RNF216: variants seen among roughly 807,000 people sequenced by gnomAD.
RNF216 encodes the protein E3 ubiquitin-protein ligase RNF216.
RNF216 carries 72 observed loss-of-function variants against 110.8 expected under a neutral mutation model. The ratio of observed to expected loss-of-function variants is 0.65; its 90% CI spans 0.54 to 0.79. The LOEUF (loss-of-function observed/expected upper bound fraction) is 0.79. Among genes scored for constraint, RNF216 ranks in the 30% least tolerant of loss-of-function variants. The pLI, the probability that RNF216 is intolerant of heterozygous loss-of-function variation, is 0.00. For missense variants in RNF216, 1,342 were observed against 1,141.2 expected (o/e 1.18, Z -2.54); for synonymous variants, 495 against 407.5 (o/e 1.21, Z -2.59).
chr7:5,742,550 A>AGAT (rs945452351), intron 3 of RNF216, among the ~76,000 whole-genome samples: 8 of 149,480 alleles, frequency 5.4e-5, no homozygotes, highest in Admixed American at 2.7e-4. Context: ...CTTTTAAATT[A>AGAT]GATAATACCA....
At chr7:5,627,019 T>TC (rs762470770) in intron 15 of RNF216, among the ~76,000 whole-genome samples, 114 of 152,258 alleles carry the variant, frequency 7.5e-4, no homozygotes, top group Non-Finnish European at 1.5e-3. Flanking sequence ...CAACCACCAC[T>TC]CTGCCTCACC....
At chr7:5,655,865 G>GT (rs1461491227) in intron 13 of RNF216, among the ~76,000 whole-genome samples, 25 of 150,968 alleles carry the variant, frequency 1.7e-4, no homozygotes, top group Admixed American at 7.9e-4. Flanking sequence ...CTCTTGAATG[G>GT]TTTTTTTTTG....
intron 16 of RNF216, 94 bp from the exon 17 acceptor site, chr7:5,623,273 G>A (rs1206672892): frequency 1.3e-5 from 15 of 1,170,378 alleles, no homozygotes; most frequent in East Asian, 2.4e-5. Flanking sequence ...GGACACGGGA[G>A]TGGCTCCACA....
chr7:5,655,865 G>T (rs1182627856), intron 13 of RNF216, among the ~76,000 whole-genome samples: 6 of 150,974 alleles, frequency 4.0e-5, no homozygotes, highest in Non-Finnish European at 8.9e-5. Flanking sequence ...CTCTTGAATG[G>T]TTTTTTTTTG....
At chr7:5,746,263 G>A (rs1349813975) in intron 3 of RNF216, among the ~76,000 whole-genome samples, 5 of 152,104 alleles carry the variant, frequency 3.3e-5, no homozygotes, top group African/African-American at 4.8e-5. Flanking sequence ...CAGTACCTAG[G>A]GTTAATCTGG....
At position 5,771,310 on chromosome 7, in the gene RNF216, G is replaced by T. The variant is rs528900954; in HGVS notation, c.-69-10172C>A. 2.6e-5 allele frequency among the ~76,000 whole-genome samples: 4 copies of T among 152,088 alleles called. No homozygotes were observed. The East Asian group carries it at 7.7e-4, about 29-fold the overall frequency. ...AGAAAGGTAAAATAAGTTTCTAGAA[G>T]ATAACACAAAATCTCCACAATCTTA... On this transcript the variant is annotated intron_variant, in intron 1 of 16. Coordinates refer to ENST00000389902, the MANE Select transcript of RNF216 (RefSeq NM_207111.4).
intron 4 of RNF216, chr7:5,739,561 T>A: frequency 1.6e-6 from 1 of 642,416 alleles, no homozygotes; most frequent in Non-Finnish European, 2.9e-6. Context: ...TTGAGAGATC[T>A]GGTTCTCTGT....
intron 1 of RNF216, among the ~76,000 whole-genome samples, chr7:5,772,103 C>T (rs1796530182): frequency 6.6e-6 from 1 of 152,118 alleles, no homozygotes; most frequent in African/African-American, 2.4e-5. Flanking sequence ...CATGGTGGCC[C>T]ATGCCTGTAA....
At chr7:5,746,515 T>C (rs1795038379) in intron 3 of RNF216, among the ~76,000 whole-genome samples, 2 of 152,150 alleles carry the variant, frequency 1.3e-5, no homozygotes, top group Admixed American at 1.3e-4. Flanking sequence ...TTTTGGAATC[T>C]GTGGGTATGT....
chr7:5,663,387 T>C (rs1275631546), intron 13 of RNF216, among the ~76,000 whole-genome samples: 4 of 151,952 alleles, frequency 2.6e-5, no homozygotes, highest in Non-Finnish European at 5.9e-5. Flanking sequence ...GAGACCATCC[T>C]GGCTAACACG....
At chr7:5,671,893 G>C (rs1424336755) in intron 13 of RNF216, among the ~76,000 whole-genome samples, 1 of 151,112 alleles carries the variant, frequency 6.6e-6, no homozygotes, top group East Asian at 1.9e-4. Flanking sequence ...CACGAAGACA[G>C]TCCTCTGCAA....
At chr7:5,634,602 G>C (rs1371875970) in intron 15 of RNF216, among the ~76,000 whole-genome samples, 1 of 152,136 alleles carries the variant, frequency 6.6e-6, no homozygotes. Context: ...GACTTCACGG[G>C]CTCAGGGCTG....
chr7:5,702,991 G>A (rs1286930126), intron 13 of RNF216, among the ~76,000 whole-genome samples: 1 of 152,174 alleles, frequency 6.6e-6, no homozygotes, highest in Non-Finnish European at 1.5e-5. Flanking sequence ...TGATATACCT[G>A]TAAGGGAGCG....
intron 3 of RNF216, among the ~76,000 whole-genome samples, chr7:5,746,756 T>C (rs1795050800): frequency 1.3e-5 from 2 of 152,218 alleles, no homozygotes; most frequent in Non-Finnish European, 2.9e-5. Context: ...CTCCAGAAGC[T>C]ACAAATAGTT....
intron 13 of RNF216, among the ~76,000 whole-genome samples, chr7:5,682,228 C>T (rs1056161709): frequency 1.3e-5 from 2 of 152,158 alleles, no homozygotes. Flanking sequence ...TTTCTCAAAT[C>T]TAGACTCCAA....
At chr7:5,661,378 T>C (rs554317345) in intron 13 of RNF216, among the ~76,000 whole-genome samples, 50 of 152,326 alleles carry the variant, frequency 3.3e-4, no homozygotes, top group African/African-American at 1.2e-3. Context: ...CTTAGGTTTT[T>C]TGTTAAAGAA....
intron 5 of RNF216, among the ~76,000 whole-genome samples, chr7:5,734,516 A>G (rs1259074489): frequency 6.6e-6 from 1 of 152,110 alleles, no homozygotes; most frequent in Non-Finnish European, 1.5e-5. Flanking sequence ...TATATTCTAT[A>G]ATAACCAAGT....
intron 13 of RNF216, among the ~76,000 whole-genome samples, chr7:5,699,386 A>G (rs1278475279): frequency 6.6e-6 from 1 of 152,232 alleles, no homozygotes; most frequent in Non-Finnish European, 1.5e-5. Context: ...TGTGACTTTG[A>G]GCAGATAAGG....
At chr7:5,663,224 G>C (rs1424063287) in intron 13 of RNF216, among the ~76,000 whole-genome samples, 1 of 152,150 alleles carries the variant, frequency 6.6e-6, no homozygotes, top group Non-Finnish European at 1.5e-5. Context: ...TTGCGGCAAA[G>C]ATGACGTCCT....
Sources: allele counts gnomAD v4.1 joint callset (sites outside exome capture counted in the v4.1 genomes callset), GRCh38; gene constraint gnomAD v4.1.1; transcripts MANE v1.5; gene names NCBI Gene and HGNC (gene_info 2026-07-23, HGNC 2026-07-21).